Variants in COL21A1 observed in about 807,000 individuals in gnomAD.
COL21A1 encodes the protein collagen type XXI alpha 1 chain, also known as collagen alpha-1(XXI) chain.
COL21A1 carries 149 observed loss-of-function variants against 137.9 expected under a neutral mutation model. That is an observed-to-expected ratio of 1.08 (90% CI 0.95 to 1.24). The LOEUF is 1.24. COL21A1 is among the 50% of genes most tolerant of loss of function. The probability of loss-of-function intolerance (pLI) is 0.00; values close to 1 mark genes in which losing one functional copy is unlikely to be tolerated. For synonymous variants in COL21A1, 456 were observed against 391.5 expected (o/e 1.16, Z -1.95); for missense variants, 1,167 against 1,158.4 (o/e 1.01, Z -0.11).
chr6:56,222,216 T>A (rs1415588462), intron 1 of COL21A1, among the ~76,000 whole-genome samples: 1 of 152,042 alleles, frequency 6.6e-6, no homozygotes, highest in African/African-American at 2.4e-5. Context: ...GAGGTTGCAG[T>A]GAGCCGAGAT....
At chr6:56,347,514 A>AT (rs144823454) in intron 1 of COL21A1, among the ~76,000 whole-genome samples, 17,819 of 107,758 alleles carry the variant, frequency 0.17, 1,426 homozygotes, top group South Asian at 0.3. Context: ...CCTAGGAAGC[A>AT]TTTAAAAAAA....
chr6:56,334,494 C>T (rs1337296430), intron 1 of COL21A1, among the ~76,000 whole-genome samples: 8 of 152,080 alleles, frequency 5.3e-5, no homozygotes, highest in Non-Finnish European at 7.4e-5. Context: ...CATGAAGAAG[C>T]GGTAAAAATA....
At chr6:56,068,608 T>C (rs1189912696) in intron 22 of COL21A1, among the ~76,000 whole-genome samples, 1 of 151,644 alleles carries the variant, frequency 6.6e-6, no homozygotes, top group Non-Finnish European at 1.5e-5. Flanking sequence ...AATTGTTTCA[T>C]AGATAGGAAC....
intron 1 of COL21A1, among the ~76,000 whole-genome samples, chr6:56,351,235 C>T (rs1765704506): frequency 6.6e-6 from 1 of 152,226 alleles, no homozygotes; most frequent in Non-Finnish European, 1.5e-5. Flanking sequence ...TCTTTGAAGG[C>T]CACTGCCAAA....
At chr6:56,077,745 T>C in intron 17 of COL21A1, 172 bp from the exon 18 acceptor site, 1 of 530,736 alleles carries the variant, frequency 1.9e-6, no homozygotes. Context: ...ACTTAGGAGA[T>C]ATAGCATTAT....
chr6:56,196,594 G>T (rs981924449), intron 1 of COL21A1, among the ~76,000 whole-genome samples: 9 of 151,968 alleles, frequency 5.9e-5, no homozygotes, highest in African/African-American at 2.2e-4. Context: ...AACAAATTAA[G>T]AAAGGAATAT....
chr6:56,292,400 C>T (rs373712274), intron 1 of COL21A1, among the ~76,000 whole-genome samples: 2 of 141,302 alleles, frequency 1.4e-5, no homozygotes, highest in African/African-American at 2.5e-5. Flanking sequence ...GACCCCCCCC[C>T]TCCCCCGCCA....
At chr6:56,284,879 T>C (rs901652778) in intron 1 of COL21A1, among the ~76,000 whole-genome samples, 4 of 152,160 alleles carry the variant, frequency 2.6e-5, no homozygotes, top group African/African-American at 9.7e-5. Context: ...ATGGACATGG[T>C]TTTCTCTCCT....
In COL21A1 at chr6:56,125,562, C is replaced by T. The variant is rs1025008158; in HGVS notation, c.1650+5G>A. On this transcript the variant is annotated splice_donor_5th_base_variant and intron_variant, in intron 14 of 29. Coordinates refer to ENST00000244728, the MANE Select transcript of COL21A1 (RefSeq NM_030820.4). ...TGAATACTTTGTTGTGTGATCTATA[C>T]TTCCCTTTTTGCCATAAAATCCAGG... 5.0e-6 allele frequency: 8 copies of T among 1,595,956 alleles called. No homozygotes were observed. Among genetic ancestry groups the T allele is most frequent in the East Asian group, 2.2e-5 (1 of 44,472 alleles).
At chr6:56,273,749 T>C (rs1344634619) in intron 1 of COL21A1, among the ~76,000 whole-genome samples, 1 of 152,138 alleles carries the variant, frequency 6.6e-6, no homozygotes, top group Non-Finnish European at 1.5e-5. Context: ...AAAACAATCC[T>C]GGCCCAGATA....
chr6:56,119,919 A>G (rs1334902282), intron 16 of COL21A1, among the ~76,000 whole-genome samples: 6 of 152,184 alleles, frequency 3.9e-5, no homozygotes, highest in Admixed American at 1.3e-4. Context: ...AAAATTGACT[A>G]AAGACTTAAA....
intron 16 of COL21A1, among the ~76,000 whole-genome samples, chr6:56,109,658 A>G (rs1259462093): frequency 6.6e-6 from 1 of 151,976 alleles, no homozygotes; most frequent in African/African-American, 2.4e-5. Flanking sequence ...AGAAATTATC[A>G]TTACAAAATA....
intron 1 of COL21A1, among the ~76,000 whole-genome samples, chr6:56,312,408 A>G (rs1764633750): frequency 6.6e-6 from 1 of 151,870 alleles, no homozygotes; most frequent in African/African-American, 2.4e-5. Flanking sequence ...ATTGAGACTG[A>G]CTCCCAGCTT....
intron 1 of COL21A1, among the ~76,000 whole-genome samples, chr6:56,260,627 GGA>G (rs1232940076): frequency 0.16 from 5,309 of 33,456 alleles, 237 homozygotes; most frequent in Non-Finnish European, 0.19. Flanking sequence ...GAGAGAGAGA[GGA>G]AGGAAGGAAG....
At chr6:56,180,362 T>C (rs1196668250) in intron 2 of COL21A1, among the ~76,000 whole-genome samples, 1 of 152,184 alleles carries the variant, frequency 6.6e-6, no homozygotes, top group African/African-American at 2.4e-5. Context: ...AGCTAACCAA[T>C]AAAATTTCAT....
rs574522908 is a variant in COL21A1 at position 56,235,034 on chromosome 6, T to C, written c.-39+12353A>G. On this transcript the variant is annotated intron_variant, in intron 1 of 29. Transcript: ENST00000244728. The stretch of plus-strand genomic sequence containing the variant: ...CCTTCCATTCCTACTAGGCAAGTTA[T>C]ATTGAGTCCCTTAAATAAGCCATTT... Among the ~76,000 whole-genome samples the C allele has an allele frequency of 1.1e-4, 16 of 152,012 alleles. 1 individual carries two copies. The South Asian group carries it at 3.1e-3, about 29-fold the overall frequency.
At chr6:56,206,311 A>C (rs1425897356) in intron 1 of COL21A1, among the ~76,000 whole-genome samples, 6 of 136,540 alleles carry the variant, frequency 4.4e-5, no homozygotes, top group Non-Finnish European at 6.3e-5. Context: ...AATGGAAAGC[A>C]AAAAAAAAAA....
At chr6:56,287,931 C>A (rs12526228) in intron 1 of COL21A1, among the ~76,000 whole-genome samples, 23,738 of 151,994 alleles carry the variant, frequency 0.16, 3,330 homozygotes, top group East Asian at 0.59. Context: ...CCAAAGAATG[C>A]AGGTAGCCTC....
At chr6:56,307,506 G>A (rs541881035) in intron 1 of COL21A1, among the ~76,000 whole-genome samples, 18 of 152,182 alleles carry the variant, frequency 1.2e-4, no homozygotes, top group Middle Eastern at 3.2e-3. Flanking sequence ...CTCCGTGGGC[G>A]TAGGACCCTC....
Sources: allele counts gnomAD v4.1 joint callset (sites outside exome capture counted in the v4.1 genomes callset), GRCh38; gene constraint gnomAD v4.1.1; transcripts MANE v1.5; gene names NCBI Gene and HGNC (gene_info 2026-07-23, HGNC 2026-07-21).